WDR64: variants seen among roughly 807,000 people sequenced by gnomAD.
WDR64 encodes WD repeat-containing protein 64.
Under a neutral mutation model 139.3 loss-of-function variants are expected in WDR64, and 112 were observed. That is an observed-to-expected ratio of 0.80 (90% CI 0.69 to 0.94). The LOEUF (loss-of-function observed/expected upper bound fraction) is 0.94. WDR64 is among the 40% of genes least tolerant of loss of function. The pLI, the probability that WDR64 is intolerant of heterozygous loss-of-function variation, is 0.00. For missense variants in WDR64, 1,206 were observed against 1,293.1 expected (o/e 0.93, Z 1.03); for synonymous variants, 444 against 437.7 (o/e 1.01, Z -0.18).
At chr1:241,752,465 G>A (rs1670015381) in intron 14 of WDR64, among the ~76,000 whole-genome samples, 1 of 152,168 alleles carries the variant, frequency 6.6e-6, no homozygotes, top group African/African-American at 2.4e-5. Flanking sequence ...ATCTTCAAAA[G>A]GTGTTTTGTA....
In WDR64 at chr1:241,770,614, C is replaced by T; in HGVS notation, c.2184-7C>T. The T allele has an allele frequency of 1.3e-6, 2 of 1,551,096 alleles. No individual in the cohort carries two copies. The highest frequency in any genetic ancestry group is 1.7e-6 in the Non-Finnish European group (2 of 1,146,680). On this transcript the variant is annotated splice_polypyrimidine_tract_variant and splice_region_variant and intron_variant, in intron 17 of 27. Coordinates refer to ENST00000437684, the MANE Select transcript of WDR64 (RefSeq NM_001367482.1). ...TTTACCTGTGGGCTTCCCCACTCCC[C>T]TTATAGGAGATCAAGTCAGGATTCC...
In WDR64 at chr1:241,767,028, A is replaced by T. The variant is rs959618206; in HGVS notation, c.2081+677A>T. The stretch of plus-strand genomic sequence containing the variant: ...AACCAATTGCCTATTGGCAATTTTC[A>T]TCTGATTGTTACCAAGACCCTCAAA... On this transcript the variant is annotated intron_variant, in intron 16 of 27. Coordinates refer to ENST00000437684, the MANE Select transcript of WDR64 (RefSeq NM_001367482.1). 3.3e-5 allele frequency among the ~76,000 whole-genome samples: 5 copies of T among 152,306 alleles called. No individual in the cohort carries two copies. In the East Asian group the frequency reaches 9.6e-4, roughly 29 times the overall value.
At chr1:241,715,677 T>A (rs1450678768) in intron 9 of WDR64, among the ~76,000 whole-genome samples, 1 of 152,252 alleles carries the variant, frequency 6.6e-6, no homozygotes, top group Non-Finnish European at 1.5e-5. Flanking sequence ...TTCTAAAATC[T>A]GATTGTCACA....
intron 17 of WDR64, 172 bp from the exon 18 acceptor site, chr1:241,770,449 C>T: frequency 1.9e-6 from 1 of 528,982 alleles, no homozygotes; most frequent in Non-Finnish European, 3.4e-6. Flanking sequence ...CAATATCATA[C>T]TGGTCAACAT....
At chr1:241,738,631 T>A in intron 11 of WDR64, 142 bp downstream of exon 11, 2 of 888,948 alleles carry the variant, frequency 2.2e-6, no homozygotes, top group Non-Finnish European at 3.2e-6. Context: ...AGTAGATATT[T>A]AATTCAATTC....
At position 241,756,515 on chromosome 1, in the gene WDR64, T is replaced by G. The variant is rs747952315; in HGVS notation, c.1771-768T>G. Among the ~76,000 whole-genome samples, 28 of 152,296 alleles carry G rather than the reference T, an allele frequency of 1.8e-4. No individual in the cohort carries two copies. In the Middle Eastern group the frequency reaches 0.01, roughly 56 times the overall value. On this transcript the variant is annotated intron_variant, in intron 14 of 27. Coordinates refer to ENST00000437684, the MANE Select transcript of WDR64 (RefSeq NM_001367482.1). ...CATCTGCAAACAGAGACAATTTGAC[T>G]TCCTGTCTTCCTATTTGAAAGGGTA...
Position 241,769,401 on chromosome 1 carries a change from T to G in WDR64, c.2082-3T>G. The G allele has an allele frequency of 6.4e-7, 1 of 1,550,892 alleles. No individual in the cohort carries two copies. Among genetic ancestry groups the G allele is most frequent in the South Asian group, 1.2e-5 (1 of 84,022 alleles). ...TCTCATATAAATGTATACTTACTTC[T>G]AGGTACCGACCTGAAGATTGCTTCA... On this transcript the variant is annotated splice_polypyrimidine_tract_variant and splice_region_variant and intron_variant, in intron 16 of 27. Transcript: ENST00000437684.
intron 4 of WDR64, among the ~76,000 whole-genome samples, chr1:241,677,714 A>G (rs1343160933): frequency 6.6e-6 from 1 of 152,230 alleles, no homozygotes; most frequent in African/African-American, 2.4e-5. Flanking sequence ...CCCACTGGGT[A>G]AAATGTTCTT....
intron 25 of WDR64, among the ~76,000 whole-genome samples, chr1:241,794,807 G>A (rs762590037): frequency 1.1e-4 from 17 of 152,020 alleles, no homozygotes; most frequent in Non-Finnish European, 2.1e-4. Context: ...GTGCCCGGCC[G>A]CTTTATTCTC....
At position 241,802,033 on chromosome 1, in the gene WDR64, TAAAGAA is replaced by T; in HGVS notation, c.*821_*826del. The T allele has an allele frequency of 2.5e-6, 1 of 397,724 alleles. No homozygotes were observed. Among genetic ancestry groups the T allele is most frequent in the Non-Finnish European group, 4.4e-6 (1 of 225,674 alleles). 24.6% of individuals were successfully genotyped at this position (397,724 alleles called of 1,614,324 possible). A position where few individuals can be genotyped will look rare whatever the true frequency, so the allele number is the denominator to read the frequency against. On this transcript the variant is annotated 3_prime_UTR_variant, in exon 28 of 28. Coordinates refer to ENST00000437684, the MANE Select transcript of WDR64 (RefSeq NM_001367482.1). ...AAGATGTATGATGCAAAAACTAACC[TAAAGAA>T]AATCAATATAGCCATATTAATATTA...
chr1:241,747,728 G>A (rs1489970691), intron 13 of WDR64, among the ~76,000 whole-genome samples: 2 of 152,122 alleles, frequency 1.3e-5, no homozygotes, highest in African/African-American at 4.8e-5. Flanking sequence ...GAACCTATGC[G>A]AGAATCGATG....
intron 3 of WDR64, among the ~76,000 whole-genome samples, chr1:241,671,533 C>T (rs1268289220): frequency 6.6e-6 from 1 of 152,152 alleles, no homozygotes; most frequent in Non-Finnish European, 1.5e-5. Context: ...TTAAAATTAA[C>T]TTTTTGAGTT....
chr1:241,659,856 T>C (rs1488846655), intron 1 of WDR64, among the ~76,000 whole-genome samples: 1 of 152,158 alleles, frequency 6.6e-6, no homozygotes, highest in Non-Finnish European at 1.5e-5. Context: ...CTTCTGTAGG[T>C]TGTCTGTTCA....
At chr1:241,691,050 T>C (rs1667256100) in intron 8 of WDR64, among the ~76,000 whole-genome samples, 1 of 152,162 alleles carries the variant, frequency 6.6e-6, no homozygotes, top group South Asian at 2.1e-4. Context: ...TTAATATACT[T>C]GTACTGCCTG....
intron 24 of WDR64, among the ~76,000 whole-genome samples, chr1:241,790,211 C>T (rs139674057): frequency 1.8e-3 from 276 of 152,168 alleles, no homozygotes; most frequent in African/African-American, 6.2e-3. Context: ...ATTAGCCGGG[C>T]GTGGTGACGT....
intron 9 of WDR64, among the ~76,000 whole-genome samples, chr1:241,720,249 T>A (rs1478157666): frequency 1.3e-5 from 2 of 152,204 alleles, no homozygotes; most frequent in South Asian, 4.1e-4. Context: ...TTGTGAATAG[T>A]GTTGCAATTA....
chr1:241,738,014 A>G (rs75153975), intron 10 of WDR64, among the ~76,000 whole-genome samples: 6,710 of 152,266 alleles, frequency 0.044, 502 homozygotes, highest in African/African-American at 0.15. Context: ...CATAATACAA[A>G]GAGAAATGTG....
At chr1:241,797,697 T>A (rs889749882) in intron 27 of WDR64, among the ~76,000 whole-genome samples, 2 of 152,176 alleles carry the variant, frequency 1.3e-5, no homozygotes, top group African/African-American at 4.8e-5. Context: ...TTAGAAGAGT[T>A]TTCTGTTAAA....
chr1:241,738,558 T>C, intron 11 of WDR64, 69 bp downstream of exon 11: 1 of 1,505,600 alleles, frequency 6.6e-7, no homozygotes, highest in Non-Finnish European at 8.9e-7. Context: ...AAACTAGCAC[T>C]TGAGCACTAA....
Sources: allele counts gnomAD v4.1 joint callset (sites outside exome capture counted in the v4.1 genomes callset), GRCh38; gene constraint gnomAD v4.1.1; transcripts MANE v1.5; gene names NCBI Gene and HGNC (gene_info 2026-07-23, HGNC 2026-07-21).